FGF13: variants seen among roughly 807,000 people sequenced by gnomAD.
FGF13 encodes the protein fibroblast growth factor 13, also known as fibroblast growth factor homologous factor 2.
FGF13 carries 2 observed loss-of-function variants against 19.5 expected under a neutral mutation model. The ratio of observed to expected loss-of-function variants is 0.10; its 90% CI spans 0.04 to 0.32. FGF13 has a LOEUF of 0.32. FGF13 is among the 10% of genes least tolerant of loss of function. FGF13 has a pLI of 1.00. For missense variants in FGF13, 113 were observed against 192.7 expected (o/e 0.59, Z 2.45); for synonymous variants, 72 against 76.9 (o/e 0.94, Z 0.33).
chrX:138,905,008 G>A (rs148547343), intron 1 of FGF13, among the ~76,000 whole-genome samples: 1,477 of 109,882 alleles, frequency 0.013, 7 homozygotes, highest in Non-Finnish European at 0.02. Flanking sequence ...CACAGTAAAC[G>A]TAAGTACAAT....
chrX:139,146,657 T>G (rs1308715104), intron 1 of FGF13, among the ~76,000 whole-genome samples: 2 of 111,887 alleles, frequency 1.8e-5, no homozygotes, highest in African/African-American at 6.5e-5. Context: ...CTGCTATAAA[T>G]ACACATACAC....
chrX:138,813,849 T>G (rs750146657), intron 3 of FGF13, among the ~76,000 whole-genome samples: 14 of 111,556 alleles, frequency 1.3e-4, no homozygotes, highest in Non-Finnish European at 2.3e-4. Context: ...TTGGTAAGTA[T>G]GTTTTCTGGC....
intron 3 of FGF13, among the ~76,000 whole-genome samples, chrX:138,839,997 G>A (rs1358348208): frequency 9.0e-6 from 1 of 111,554 alleles, no homozygotes; most frequent in Admixed American, 9.5e-5. Flanking sequence ...GTGATATCTG[G>A]CCCAGATTGC....
At chrX:139,051,405 C>CA (rs762316162) in intron 1 of FGF13, among the ~76,000 whole-genome samples, 53 of 111,524 alleles carry the variant, frequency 4.8e-4, no homozygotes, top group Non-Finnish European at 6.8e-4. Flanking sequence ...CCATTTTACT[C>CA]AGACCTTAGA....
intron 1 of FGF13, among the ~76,000 whole-genome samples, chrX:139,102,660 C>A (rs1377657031): frequency 8.9e-6 from 1 of 112,121 alleles, no homozygotes; most frequent in Non-Finnish European, 1.9e-5. Flanking sequence ...CATACTTGAT[C>A]CCTGGCCTCA....
chrX:139,084,768 A>C (rs916757748), intron 1 of FGF13, among the ~76,000 whole-genome samples: 1 of 112,304 alleles, frequency 8.9e-6, no homozygotes, highest in Non-Finnish European at 1.9e-5. Flanking sequence ...ACAAGCTATC[A>C]TTTGTTCCTC....
At chrX:139,035,823 A>G (rs1331672964) in intron 1 of FGF13, among the ~76,000 whole-genome samples, 5 of 111,473 alleles carry the variant, frequency 4.5e-5, no homozygotes, top group African/African-American at 1.6e-4. Context: ...TTTCTAGAGG[A>G]GCAGACAAAA....
chrX:138,791,804 T>A (rs2090744662), intron 3 of FGF13, among the ~76,000 whole-genome samples: 1 of 112,051 alleles, frequency 8.9e-6, no homozygotes, highest in African/African-American at 3.2e-5. Flanking sequence ...TTGTTAGTCA[T>A]CAACATTTCT....
chrX:138,701,902 TA>T (rs1215393941), intron 3 of FGF13, among the ~76,000 whole-genome samples: 1 of 112,875 alleles, frequency 8.9e-6, no homozygotes, highest in Admixed American at 9.4e-5. Context: ...GACTTGCTAG[TA>T]AGAAGTTCGA....
chrX:139,054,344 C>A (rs1212715087), intron 1 of FGF13, among the ~76,000 whole-genome samples: 1 of 109,570 alleles, frequency 9.1e-6, no homozygotes, highest in Non-Finnish European at 1.9e-5. Flanking sequence ...AGGATGTTCT[C>A]GATCTCCTGA....
At chrX:139,065,479 A>C (rs2092351930) in intron 1 of FGF13, among the ~76,000 whole-genome samples, 1 of 88,065 alleles carries the variant, frequency 1.1e-5, no homozygotes, top group Non-Finnish European at 2.1e-5. Flanking sequence ...GCAAACGGAA[A>C]GCAAAAAAAA....
At chrX:139,092,218 T>A (rs2083443724) in intron 1 of FGF13, among the ~76,000 whole-genome samples, 1 of 111,945 alleles carries the variant, frequency 8.9e-6, no homozygotes, top group Non-Finnish European at 1.9e-5. Context: ...CAATACCTAG[T>A]CCCAACTCAC....
intron 1 of FGF13, among the ~76,000 whole-genome samples, chrX:139,041,235 T>C (rs1024462689): frequency 9.0e-6 from 1 of 110,758 alleles, no homozygotes; most frequent in Admixed American, 9.6e-5. Context: ...AAAAAAAAGA[T>C]TGTCTAAGAA....
intron 1 of FGF13, among the ~76,000 whole-genome samples, chrX:138,983,830 T>A (rs1230139701): frequency 1.8e-5 from 2 of 110,871 alleles, no homozygotes; most frequent in African/African-American, 6.6e-5. Flanking sequence ...AGACGTACAA[T>A]GGGATAGTGT....
rs140369021 is a variant in FGF13 at position 139,117,939 on chromosome X, G to A, written c.-113+85477C>T. 9.0e-3 allele frequency among the ~76,000 whole-genome samples: 1,002 copies of A among 111,707 alleles called. 15 individuals are homozygous for A. Among genetic ancestry groups the A allele is most frequent in the African/African-American group, 0.031 (940 of 30,647 alleles). On this transcript the variant is annotated intron_variant, in intron 1 of 2. Coordinates refer to the FGF13 transcript ENST00000421460. ...AGGCACTAAGCTGGGGCTAGGCGTA[G>A]GGGATAAGGAGATCTCAAGAACAAG... is the stretch of plus-strand genomic sequence containing the variant.
At chrX:139,203,195 C>G (rs996164758) in intron 1 of FGF13, among the ~76,000 whole-genome samples, 2 of 111,900 alleles carry the variant, frequency 1.8e-5, no homozygotes, top group Non-Finnish European at 3.8e-5. Context: ...ATGGGAGGCC[C>G]TGGGCAGAGG....
Position 139,131,452 on chromosome X carries a change from A to G in FGF13, c.-113+71964T>C, listed in dbSNP as rs371222238. ...AGGATTAAATTTACAGTAGGCAGTC[A>G]AAAATGATGAACAGAGCTAGGTGCA... On this transcript the variant is annotated intron_variant, in intron 1 of 2. Coordinates refer to the FGF13 transcript ENST00000421460. 2.7e-5 allele frequency among the ~76,000 whole-genome samples: 3 copies of G among 110,134 alleles called. No homozygotes were observed. In the East Asian group the frequency reaches 8.6e-4, roughly 32 times the overall value.
At chrX:138,676,122 G>C (rs1252939028) in intron 3 of FGF13, among the ~76,000 whole-genome samples, 1 of 111,777 alleles carries the variant, frequency 8.9e-6, no homozygotes, top group East Asian at 2.8e-4. Context: ...TGAATGAATG[G>C]AAACATTTTC....
At chrX:138,973,918 T>C (rs1411566985) in intron 1 of FGF13, among the ~76,000 whole-genome samples, 1 of 111,711 alleles carries the variant, frequency 9.0e-6, no homozygotes, top group Non-Finnish European at 1.9e-5. Context: ...AGGCAGTATA[T>C]AGTTGGGAGG....
Sources: gnomAD v4.1 joint callset for allele counts (sites outside exome capture counted in the v4.1 genomes callset) on GRCh38, gnomAD v4.1.1 for gene constraint, MANE v1.5 for transcripts, NCBI Gene and HGNC (gene_info 2026-07-23, HGNC 2026-07-21) for gene names.